The following GNG2 variants were observed in gnomAD, a reference collection of about 807,000 sequenced individuals.
GNG2 encodes the protein guanine nucleotide-binding protein G(I)/G(S)/G(O) subunit gamma-2.
Under a neutral mutation model 5.5 loss-of-function variants are expected in GNG2, and 5 were observed. That is an observed-to-expected ratio of 0.91 (90% CI 0.48 to 1.92). The LOEUF is 1.92. GNG2 is among the 30% of genes most tolerant of loss of function. The probability of loss-of-function intolerance (pLI) is 0.01; values close to 1 mark genes in which losing one functional copy is unlikely to be tolerated. For synonymous variants in GNG2, 28 were observed against 32.0 expected (o/e 0.88, Z 0.42); for missense variants, 55 against 88.4 (o/e 0.62, Z 1.52).
chr14:51,828,107 C>T (rs1313599721), intron 2 of GNG2, among the ~76,000 whole-genome samples: 1 of 152,214 alleles, frequency 6.6e-6, no homozygotes, highest in South Asian at 2.1e-4. Flanking sequence ...TTTGGTGCCA[C>T]TGTGGCTGAT....
At chr14:51,836,852 T>C (rs915085842) in intron 2 of GNG2, among the ~76,000 whole-genome samples, 9 of 126,006 alleles carry the variant, frequency 7.1e-5, no homozygotes, top group Admixed American at 2.1e-4. Flanking sequence ...TTAAGTGACT[T>C]CATCTTTTTT....
intron 2 of GNG2, among the ~76,000 whole-genome samples, chr14:51,908,380 T>C (rs760688302): frequency 6.6e-6 from 1 of 152,232 alleles, no homozygotes; most frequent in Admixed American, 6.5e-5. Context: ...CAGGGTTTAT[T>C]GCAGGTCATC....
intron 3 of GNG2, among the ~76,000 whole-genome samples, chr14:51,961,849 G>GGA (rs1248373188): frequency 1.3e-5 from 2 of 152,188 alleles, no homozygotes; most frequent in African/African-American, 4.8e-5. Context: ...ACATGAAATT[G>GGA]GAGAGAGGGG....
At chr14:51,863,569 GT>G (rs1882668348) in intron 1 of GNG2, among the ~76,000 whole-genome samples, 1 of 151,888 alleles carries the variant, frequency 6.6e-6, no homozygotes, top group East Asian at 1.9e-4. Context: ...ATTTTTTTAA[GT>G]ATGCAGTTCT....
At chr14:51,935,510 T>G (rs1239188447) in intron 2 of GNG2, among the ~76,000 whole-genome samples, 4 of 152,138 alleles carry the variant, frequency 2.6e-5, no homozygotes, top group African/African-American at 9.7e-5. Flanking sequence ...AGCAACTTAG[T>G]GAGAAACCTA....
chr14:51,926,030 C>CTTTCTTT (rs1292837939), intron 2 of GNG2, among the ~76,000 whole-genome samples: 1 of 151,698 alleles, frequency 6.6e-6, no homozygotes, highest in Non-Finnish European at 1.5e-5. Flanking sequence ...TCTTTTCTTT[C>CTTTCTTT]TTTCTTTTTT....
chr14:51,932,271 A>AAAAAAAAAAAAAAAAAAAAAAAAAAAAAG (rs60014306), intron 2 of GNG2, among the ~76,000 whole-genome samples: 1 of 96,340 alleles, frequency 1.0e-5, no homozygotes, highest in Admixed American at 1.1e-4. Flanking sequence ...AAAAAAAAAA[A>AAAAAAAAAAAAAAAAAAAAAAAAAAAAAG]AGAAAAGAAA....
chr14:51,843,848 A>G (rs913555516), intron 2 of GNG2, among the ~76,000 whole-genome samples: 1 of 152,080 alleles, frequency 6.6e-6, no homozygotes, highest in Non-Finnish European at 1.5e-5. Flanking sequence ...CCACTATGCC[A>G]AGCTATTCAT....
At chr14:51,853,126 T>A (rs1881987953) in intron 2 of GNG2, among the ~76,000 whole-genome samples, 1 of 152,226 alleles carries the variant, frequency 6.6e-6, no homozygotes, top group Admixed American at 6.5e-5. Flanking sequence ...TTTTATAAAA[T>A]GTTCTGGTAT....
chr14:51,950,514 G>A (rs564697396), intron 2 of GNG2, 136 bp from the exon 3 acceptor site: 144 of 581,392 alleles, frequency 2.5e-4, no homozygotes, highest in East Asian at 5.9e-4. Context: ...AGGTAATACC[G>A]ACCAAGGATG....
chr14:51,906,335 G>A (rs529257156), intron 2 of GNG2, among the ~76,000 whole-genome samples: 3 of 152,248 alleles, frequency 2.0e-5, no homozygotes, highest in Non-Finnish European at 2.9e-5. Context: ...GATATATAAT[G>A]AGCCTATTCT....
At chr14:51,953,069 C>T (rs1889081200) in intron 3 of GNG2, among the ~76,000 whole-genome samples, 2 of 152,274 alleles carry the variant, frequency 1.3e-5, no homozygotes, top group South Asian at 4.1e-4. Context: ...CATCCAGTCT[C>T]CTTTGCCCCT....
Position 51,968,228 on chromosome 14 carries a change from C to G in GNG2, c.*1541C>G, listed in dbSNP as rs1890032153. 1 of 152,130 alleles carries G rather than the reference C, an allele frequency of 6.6e-6. No homozygotes were observed. The highest frequency in any genetic ancestry group is 1.5e-5 in the Non-Finnish European group (1 of 68,026). The allele number at this position is 152,130 out of a possible 1,614,324, so 9.4% of individuals were successfully genotyped here. A position where few individuals can be genotyped will look rare whatever the true frequency, so the allele number is the denominator to read the frequency against. On this transcript the variant is annotated 3_prime_UTR_variant, in exon 4 of 4. Transcript: ENST00000556766. ...AACAGCAGGCCCTGGAAGACTTGAT[C>G]ACCTTTTTCTGTGTCATTTTCAGTC...
chr14:51,881,630 T>C (rs973041220), intron 2 of GNG2, among the ~76,000 whole-genome samples: 7 of 152,008 alleles, frequency 4.6e-5, no homozygotes, highest in Non-Finnish European at 1.0e-4. Flanking sequence ...CAAAGAGAGC[T>C]GTAATTGTAC....
At chr14:51,914,229 T>C (rs1183407342) in intron 2 of GNG2, 10 of 702,224 alleles carry the variant, frequency 1.4e-5, no homozygotes, top group South Asian at 5.9e-5. Flanking sequence ...GACTGTGCCA[T>C]TGAATGGAGT....
intron 2 of GNG2, chr14:51,827,929 C>T (rs898465608): frequency 8.4e-6 from 5 of 594,300 alleles, no homozygotes; most frequent in African/African-American, 7.6e-5. Context: ...AGTGGGAGGA[C>T]TCAGGAGGGA....
At chr14:51,830,693 A>G (rs1426989902) in intron 2 of GNG2, among the ~76,000 whole-genome samples, 2 of 152,146 alleles carry the variant, frequency 1.3e-5, no homozygotes, top group African/African-American at 2.4e-5. Flanking sequence ...TCTCATTACC[A>G]CTTCGACTGT....
At chr14:51,836,474 T>A (rs1377862715) in intron 2 of GNG2, among the ~76,000 whole-genome samples, 3 of 152,158 alleles carry the variant, frequency 2.0e-5, no homozygotes, top group Non-Finnish European at 2.9e-5. Context: ...CTTTGAGGGT[T>A]AAATAAAATA....
intron 2 of GNG2, among the ~76,000 whole-genome samples, chr14:51,833,276 C>G (rs940062216): frequency 6.6e-6 from 1 of 152,202 alleles, no homozygotes; most frequent in Non-Finnish European, 1.5e-5. Context: ...ACACCACCCC[C>G]AAATCTGTCT....
Sources: allele counts gnomAD v4.1 joint callset (sites outside exome capture counted in the v4.1 genomes callset), GRCh38; gene constraint gnomAD v4.1.1; transcripts MANE v1.5; gene names NCBI Gene and HGNC (gene_info 2026-07-23, HGNC 2026-07-21).